Variants in SYT7 observed in about 807,000 individuals in gnomAD.
SYT7 encodes synaptotagmin 7, also known as synaptotagmin-7.
Under a neutral mutation model 75.1 loss-of-function variants are expected in SYT7, and 29 were observed. That is an observed-to-expected ratio of 0.39 (90% CI 0.29 to 0.53). SYT7 has a LOEUF of 0.53. SYT7 is among the 20% of genes least tolerant of loss of function. The pLI is 0.77. For synonymous variants in SYT7, 376 were observed against 401.7 expected, an observed-to-expected ratio of 0.94 and a Z score of 0.76; for missense variants, 693 against 953.2, an observed-to-expected ratio of 0.73 and a Z score of 3.59.
intron 7 of SYT7, among the ~76,000 whole-genome samples, chr11:61,537,122 C>G (rs1056777639): frequency 2.6e-5 from 4 of 152,230 alleles, no homozygotes; most frequent in Admixed American, 2.6e-4. Context: ...TCTGGGCTGC[C>G]AGGCCCCATG....
Position 61,558,505 on chromosome 11 carries a change from T to TACACACACACACAC in SYT7, c.32-2312_32-2299dup, listed in dbSNP as rs34301756. ...ATATATACACACACACACACACACA[T>TACACACACACACAC]ACACACACACACACACACACACACA... On this transcript the variant is annotated intron_variant, in intron 1 of 12. Coordinates refer to ENST00000539008, the MANE Select transcript of SYT7 (RefSeq NM_001365809.2). Among the ~76,000 whole-genome samples, 736 of 134,570 alleles carry TACACACACACACAC rather than the reference T, an allele frequency of 5.5e-3. 4 individuals carry two copies. The highest frequency in any genetic ancestry group is 0.019 in the African/African-American group (672 of 35,904). 88.3% of individuals were successfully genotyped at this position (134,570 alleles called of 152,430 possible).
At chr11:61,530,279 G>A (rs988410605) in intron 8 of SYT7, among the ~76,000 whole-genome samples, 1 of 151,788 alleles carries the variant, frequency 6.6e-6, no homozygotes, top group Admixed American at 6.5e-5. Flanking sequence ...CTAGTTGGGG[G>A]CACCGAGCTG....
At chr11:61,527,679 C>T (rs959230361) in intron 9 of SYT7, among the ~76,000 whole-genome samples, 2 of 152,222 alleles carry the variant, frequency 1.3e-5, no homozygotes, top group Non-Finnish European at 2.9e-5. Flanking sequence ...TCAGGTTAAC[C>T]GGGCCAGGAC....
Position 61,513,965 on chromosome 11 carries a change from G to A in SYT7, c.*4662C>T, listed in dbSNP as rs898020403. On this transcript the variant is annotated 3_prime_UTR_variant, in exon 13 of 13. Coordinates refer to ENST00000539008, the MANE Select transcript of SYT7 (RefSeq NM_001365809.2). Reference sequence around the variant, plus strand: ...CGTGGGAGGGAGAGGAGCGCAGGACGTAACCCAGGACAGCCTTCCAGAAAG... The same window carrying A: ...CGTGGGAGGGAGAGGAGCGCAGGACATAACCCAGGACAGCCTTCCAGAAAG... Among the ~76,000 whole-genome samples the A allele has an allele frequency of 6.6e-5, 10 of 152,208 alleles. No individual in the cohort carries two copies. Among genetic ancestry groups the A allele is most frequent in the East Asian group, 5.8e-4 (3 of 5,172 alleles).
intron 5 of SYT7, among the ~76,000 whole-genome samples, chr11:61,543,982 T>C (rs1294460885): frequency 6.6e-6 from 1 of 152,248 alleles, no homozygotes; most frequent in Admixed American, 6.5e-5. Flanking sequence ...AGCCATTGCC[T>C]GTGGGCCACA....
At position 61,533,109 on chromosome 11, in the gene SYT7, C is replaced by T. The variant is rs1186345674; in HGVS notation, c.1080G>A (p.Gly360=). The T allele has an allele frequency of 6.9e-6, 11 of 1,601,712 alleles. No individual in the cohort carries two copies. The highest frequency in any genetic ancestry group is 8.5e-6 in the Non-Finnish European group (10 of 1,174,100). ...GCACGGGGGCTGTGTTCACCGCCTT[C>T]CCTCCTGCAGGCAACCTGAGGGCAG... ...AQGDKRLPAG[G]KAVNTAPVPG... is the part of the protein sequence containing the mutation. Residue 360 remains glycine, a synonymous_variant, in exon 8 of 13, where the codon GGG becomes GGA. Transcript: ENST00000539008.
rs1401360017 is a variant in SYT7, at chr11:61,524,180, T to TC, written c.1641+182dup. ...GGTTCCTTCTTACAGATCGGGTGAG[T>TC]CCCCCCAAGTGCCAAGCACCAATGT... On this transcript the variant is annotated intron_variant, in intron 10 of 12. Transcript: ENST00000539008. This position sits in a 1 kb window ranked among gnomAD's most constrained non-coding sequence, Gnocchi z 4.1. Among the ~76,000 whole-genome samples, 1 of 151,656 alleles carries TC rather than the reference T, an allele frequency of 6.6e-6. No homozygotes were observed. Among genetic ancestry groups the TC allele is most frequent in the Non-Finnish European group, 1.5e-5 (1 of 67,914 alleles).
chr11:61,540,896 G>A (rs2063023375), intron 6 of SYT7: 11 of 985,466 alleles, frequency 1.1e-5, no homozygotes, highest in Non-Finnish European at 1.3e-5. Context: ...GGCTCTTCTG[G>A]GCATCTCATC....
At chr11:61,555,673 A>T (rs2063480527) in intron 2 of SYT7, among the ~76,000 whole-genome samples, 3 of 151,826 alleles carry the variant, frequency 2.0e-5, no homozygotes, top group African/African-American at 7.3e-5. Flanking sequence ...ACGCCCATGG[A>T]GGGGAGCGGG....
chr11:61,524,051 C>T lies in SYT7; in HGVS notation c.1642-110G>A, dbSNP rs2062432012. 1 of 981,532 alleles carries T rather than the reference C, an allele frequency of 1.0e-6. No individual in the cohort carries two copies. Among genetic ancestry groups the T allele is most frequent in the East Asian group, 2.4e-5 (1 of 41,592 alleles). 60.8% of individuals were successfully genotyped at this position (981,532 alleles called of 1,614,324 possible). ...CTGACCTTGGTGCTTACCCATGCCC[C>T]TGTCTGTCACCTCTGTCTCACTCTG... On this transcript the variant is annotated intron_variant, in intron 10 of 12. Transcript: ENST00000539008. The surrounding 1 kb of genome is among the most constrained non-coding windows in gnomAD (Gnocchi z 4.1).
Position 61,542,471 on chromosome 11 carries a change from C to G in SYT7, c.681G>C (p.Leu227=), listed in dbSNP as rs1353363809. 1 of 1,532,990 alleles carries G rather than the reference C, an allele frequency of 6.5e-7. No individual in the cohort carries two copies. The highest frequency in any genetic ancestry group is 1.4e-5 in the African/African-American group (1 of 73,006). 95.0% of individuals were successfully genotyped at this position (1,532,990 alleles called of 1,614,324 possible). A position where few individuals can be genotyped will look rare whatever the true frequency, so the allele number is the denominator to read the frequency against. ...RPRTLMRQQS[L]QQPLSQHQRG... is the part of the protein sequence containing the mutation. Reference sequence around the variant, plus strand: ...GCTGGTGCTGGCTCAGCGGCTGTTGCAGGCTCTGCTGCCGCATCAGGGTGC... The same window carrying G: ...GCTGGTGCTGGCTCAGCGGCTGTTGGAGGCTCTGCTGCCGCATCAGGGTGC... Residue 227 remains leucine (L), a synonymous_variant, in exon 6 of 13, where the codon CTG becomes CTC. Coordinates refer to ENST00000539008, the MANE Select transcript of SYT7 (RefSeq NM_001365809.2). This position sits in a 1 kb window ranked among gnomAD's most constrained non-coding sequence, Gnocchi z 7.8.
intron 1 of SYT7, among the ~76,000 whole-genome samples, chr11:61,556,820 C>T (rs1199322481): frequency 6.6e-6 from 1 of 152,112 alleles, no homozygotes; most frequent in African/African-American, 2.4e-5. Flanking sequence ...CCCCCTTTAG[C>T]CCAGCTTTCA....
rs2063200127 is a variant in SYT7 at position 61,546,643 on chromosome 11, G to C, written c.348-388C>G. The C allele has an allele frequency of 2.1e-6, 1 of 467,082 alleles. No homozygotes were observed. The highest frequency in any genetic ancestry group is 2.0e-5 in the African/African-American group (1 of 50,538). 28.9% of individuals were successfully genotyped at this position (467,082 alleles called of 1,614,324 possible). On this transcript the variant is annotated intron_variant, in intron 4 of 12. Coordinates refer to ENST00000539008, the MANE Select transcript of SYT7 (RefSeq NM_001365809.2). The surrounding 1 kb of genome is among the most constrained non-coding windows in gnomAD (Gnocchi z 7.6). ...TCCCACAGGACAACGAAGGGTTAAC[G>C]ACGGAGGAAGAGCGGGCTGTCCAGG...
At chr11:61,520,236 C>T (rs1011437528) in intron 12 of SYT7, among the ~76,000 whole-genome samples, 6 of 151,710 alleles carry the variant, frequency 4.0e-5, no homozygotes, top group Non-Finnish European at 8.8e-5. Flanking sequence ...TGGTTGTGGC[C>T]TCAGTGGAGG....
At chr11:61,562,701 A>C (rs1463235082) in intron 1 of SYT7, among the ~76,000 whole-genome samples, 2 of 152,228 alleles carry the variant, frequency 1.3e-5, no homozygotes, top group Non-Finnish European at 2.9e-5. Flanking sequence ...CAAAGCAAGC[A>C]TCAGTGAGCA....
rs1044830523 is a variant in SYT7, at chr11:61,513,865, C to T, written c.*4762G>A. ...AGACACGGGGAGCGGGGCGTCTTCA[C>T]GGGAAACAGATGGTCTGGGGAGCCA... On this transcript the variant is annotated 3_prime_UTR_variant, in exon 13 of 13. Transcript: ENST00000539008. 6.6e-6 allele frequency among the ~76,000 whole-genome samples: 1 copy of T among 152,174 alleles called. No individual in the cohort carries two copies. Among genetic ancestry groups the T allele is most frequent in the Admixed American group, 6.5e-5 (1 of 15,284 alleles).
intron 1 of SYT7, among the ~76,000 whole-genome samples, chr11:61,562,855 C>T (rs150991527): frequency 3.6e-4 from 55 of 151,420 alleles, no homozygotes; most frequent in African/African-American, 1.2e-3. Flanking sequence ...AACTCCTTCT[C>T]ATCTCCTCAG....
chr11:61,530,080 A>T (rs1043905477), intron 8 of SYT7, among the ~76,000 whole-genome samples: 8 of 152,196 alleles, frequency 5.3e-5, no homozygotes, highest in Non-Finnish European at 1.0e-4. Flanking sequence ...ACACAGCTGG[A>T]ACAGTTTCCC....
Position 61,542,379 on chromosome 11 carries a change from G to A in SYT7, c.773C>T (p.Ser258Leu), listed in dbSNP as rs766615119. 28 of 1,530,644 alleles carry A rather than the reference G, an allele frequency of 1.8e-5. No individual in the cohort carries two copies. Among genetic ancestry groups the A allele is most frequent in the Admixed American group, 5.9e-5 (3 of 50,764 alleles). The allele number at this position is 1,530,644 out of a possible 1,614,324, so 94.8% of individuals were successfully genotyped here. ...GGCCCGGGGGTTGGGGCCTGGTGCCGAGGCCATGTGGGCCTGCAGCTGGCC... is the reference window on the plus strand; with the variant it reads ...GGCCCGGGGGTTGGGGCCTGGTGCCAAGGCCATGTGGGCCTGCAGCTGGCC... ...SLGQLQAHMASAPGPNPRAYG... is the reference protein window; with the variant it reads ...SLGQLQAHMALAPGPNPRAYG... Residue 258 changes from serine (S) to leucine (L), a missense_variant, in exon 6 of 13, where the codon TCG (serine) becomes TTG (leucine). Physicochemically the swap from Ser to Leu is moderately radical, Grantham distance 145 (BLOSUM62 -2). Around this residue, in one of 2 missense-constraint regions of SYT7, gnomAD observed 487 missense variants for 593.2 expected, o/e 0.82. Transcript: ENST00000539008. This position sits in a 1 kb window ranked among gnomAD's most constrained non-coding sequence, Gnocchi z 7.8.
Sources: allele counts gnomAD v4.1 joint callset (sites outside exome capture counted in the v4.1 genomes callset), GRCh38; gene constraint gnomAD v4.1.1; regional missense constraint gnomAD v4.1.1; non-coding constraint Gnocchi (gnomAD v3.1); transcripts MANE v1.5; gene names NCBI Gene and HGNC (gene_info 2026-07-23, HGNC 2026-07-21).